Variants in MAPK10 observed in about 807,000 individuals in gnomAD.
MAPK10 encodes the protein JNK3 alpha protein kinase.
Under a neutral mutation model 59.3 loss-of-function variants are expected in MAPK10, and 25 were observed. The ratio of observed to expected loss-of-function variants is 0.42; its 90% CI spans 0.31 to 0.59. The LOEUF (loss-of-function observed/expected upper bound fraction) is 0.59, where lower values mean the gene tolerates loss of function less well. Ranked by LOEUF, MAPK10 falls within the 20% of genes least tolerant of loss-of-function variation. The pLI is 0.15. For missense variants in MAPK10, 351 were observed against 568.9 expected (o/e 0.62, Z 3.90); for synonymous variants, 190 against 200.5 (o/e 0.95, Z 0.44).
At position 86,391,385 on chromosome 4, in the gene MAPK10, G is replaced by A. The variant is rs188830871; in HGVS notation, c.-121-36741C>T. On this transcript the variant is annotated intron_variant, in intron 1 of 13. Transcript: ENST00000361569. ...AGATTTTTACCTTGTGGTCATACAA[G>A]TCAGAGTAGTTCAGTCTTGTCATAT... Among the ~76,000 whole-genome samples, 364 of 152,270 alleles carry A rather than the reference G, an allele frequency of 2.4e-3. 2 individuals are homozygous for A. The highest frequency in any genetic ancestry group is 3.7e-3 in the Non-Finnish European group (251 of 68,006).
chr4:86,539,041 C>T (rs1412904575), intron 1 of MAPK10, among the ~76,000 whole-genome samples: 1 of 152,076 alleles, frequency 6.6e-6, no homozygotes, highest in Non-Finnish European at 1.5e-5. Flanking sequence ...AATCAATCCC[C>T]ATCAGTGTTG....
intron 1 of MAPK10, among the ~76,000 whole-genome samples, chr4:86,411,076 G>A (rs376634063): frequency 1.6e-3 from 251 of 152,234 alleles, no homozygotes; most frequent in African/African-American, 5.9e-3. Context: ...CTTTAAATGT[G>A]TCCCAGAGAT....
chr4:86,311,073 T>C (rs113241803), intron 2 of MAPK10, among the ~76,000 whole-genome samples: 1,753 of 109,468 alleles, frequency 0.016, 36 homozygotes, highest in African/African-American at 0.051. Flanking sequence ...CACACATACA[T>C]GCACCCCAAC....
chr4:86,544,884 T>C (rs1274702581), intron 1 of MAPK10, among the ~76,000 whole-genome samples: 1 of 151,788 alleles, frequency 6.6e-6, no homozygotes, highest in Admixed American at 6.6e-5. Context: ...TTTTTTTCTT[T>C]TTTTTTTTTT....
At chr4:86,089,474 A>C in intron 9 of MAPK10, 1 of 470,622 alleles carries the variant, frequency 2.1e-6, no homozygotes, top group Non-Finnish European at 3.7e-6. Context: ...TTTCTGTCAT[A>C]TAACAGAAAT....
intron 2 of MAPK10, among the ~76,000 whole-genome samples, chr4:86,235,299 T>C (rs901412815): frequency 6.6e-6 from 1 of 152,158 alleles, no homozygotes; most frequent in African/African-American, 2.4e-5. Flanking sequence ...AATTCCTAAT[T>C]CTTACCAAAA....
At chr4:86,316,271 G>GA (rs1269909842) in intron 2 of MAPK10, among the ~76,000 whole-genome samples, 1 of 152,050 alleles carries the variant, frequency 6.6e-6, no homozygotes, top group Non-Finnish European at 1.5e-5. Flanking sequence ...ATTCACATCT[G>GA]AAAAAATTTT....
intron 1 of MAPK10, among the ~76,000 whole-genome samples, chr4:86,548,473 C>T (rs899693663): frequency 6.6e-6 from 1 of 152,206 alleles, no homozygotes; most frequent in East Asian, 1.9e-4. Flanking sequence ...GTTTGGATCT[C>T]TGTCCCCACT....
At chr4:86,211,834 G>T (rs1319443131) in intron 2 of MAPK10, among the ~76,000 whole-genome samples, 1 of 152,012 alleles carries the variant, frequency 6.6e-6, no homozygotes, top group Non-Finnish European at 1.5e-5. Flanking sequence ...CTGGAAAAAA[G>T]CAGAGTTTGT....
intron 1 of MAPK10, among the ~76,000 whole-genome samples, chr4:86,379,258 C>T (rs1270682374): frequency 6.6e-6 from 1 of 152,190 alleles, no homozygotes; most frequent in Non-Finnish European, 1.5e-5. Context: ...TCTCCATCTG[C>T]GTGCATCACA....
chr4:86,297,985 T>C (rs527426068), intron 2 of MAPK10, among the ~76,000 whole-genome samples: 1 of 152,228 alleles, frequency 6.6e-6, no homozygotes, highest in Non-Finnish European at 1.5e-5. Flanking sequence ...CTTTGAACGC[T>C]TGTGCTTCTG....
chr4:86,416,989 C>T (rs547781930), intron 1 of MAPK10, among the ~76,000 whole-genome samples: 1 of 152,248 alleles, frequency 6.6e-6, no homozygotes, highest in South Asian at 2.1e-4. Flanking sequence ...CCCACCCACT[C>T]CCCTCCTCTT....
intron 3 of MAPK10, chr4:86,193,275 T>C (rs1195474862): frequency 6.6e-6 from 1 of 152,380 alleles, no homozygotes; most frequent in African/African-American, 2.4e-5. Context: ...CAGAGCTTGA[T>C]TGCTGTGCTG....
intron 1 of MAPK10, among the ~76,000 whole-genome samples, chr4:86,575,253 C>G (rs905495092): frequency 6.6e-6 from 1 of 152,198 alleles, no homozygotes; most frequent in African/African-American, 2.4e-5. Context: ...TCATGGGTCT[C>G]CAACTTGCAG....
At chr4:86,104,784 C>T (rs574176016) in intron 5 of MAPK10, among the ~76,000 whole-genome samples, 1 of 152,056 alleles carries the variant, frequency 6.6e-6, no homozygotes, top group Non-Finnish European at 1.5e-5. Context: ...CTATTCCCTA[C>T]TGTATGTTCT....
At chr4:86,576,058 C>G (rs1761864437) in intron 1 of MAPK10, among the ~76,000 whole-genome samples, 1 of 151,116 alleles carries the variant, frequency 6.6e-6, no homozygotes, top group Non-Finnish European at 1.5e-5. Context: ...CAGTGATGCT[C>G]ATAGCTCACT....
At chr4:86,183,347 T>A (rs1043657679) in intron 3 of MAPK10, among the ~76,000 whole-genome samples, 1 of 144,304 alleles carries the variant, frequency 6.9e-6, no homozygotes, top group Non-Finnish European at 1.5e-5. Context: ...TGTACATGTG[T>A]TCTCATTGTT....
intron 2 of MAPK10, among the ~76,000 whole-genome samples, chr4:86,258,752 T>C (rs1200538347): frequency 6.6e-6 from 1 of 152,176 alleles, no homozygotes; most frequent in Non-Finnish European, 1.5e-5. Context: ...CTTTTTGATA[T>C]TATTTATATC....
intron 1 of MAPK10, among the ~76,000 whole-genome samples, chr4:86,502,753 G>A (rs554338588): frequency 6.6e-6 from 1 of 152,104 alleles, no homozygotes; most frequent in East Asian, 1.9e-4. Context: ...TATTTAGTTT[G>A]ATAGAAAATG....
Sources: allele counts gnomAD v4.1 joint callset (sites outside exome capture counted in the v4.1 genomes callset), GRCh38; gene constraint gnomAD v4.1.1; transcripts MANE v1.5; gene names NCBI Gene and HGNC (gene_info 2026-07-23, HGNC 2026-07-21).